The following LRRC53 variants were observed in gnomAD, a reference collection of about 807,000 sequenced individuals.
LRRC53 encodes leucine-rich repeat-containing protein 53.
A neutral mutation model predicts 13.6 loss-of-function variants in LRRC53; 25 were observed. The ratio of observed to expected loss-of-function variants is 1.83; its 90% CI spans 1.34 to 2.56. The LOEUF (loss-of-function observed/expected upper bound fraction) is 2.56, where lower values mean the gene tolerates loss of function less well. Ranked by LOEUF, LRRC53 falls within the 30% of genes most tolerant of loss-of-function variation. The probability of loss-of-function intolerance (pLI) is 0.00; values close to 1 mark genes in which losing one functional copy is unlikely to be tolerated. For synonymous variants in LRRC53, 204 were observed against 109.8 expected (o/e 1.86, Z -5.37); for missense variants, 527 against 275.8 (o/e 1.91, Z -6.45).
At chr1:74,525,282 C>T in the LRRC53 span, among the ~76,000 whole-genome samples, 2 of 152,232 alleles carry the variant, frequency 1.3e-5, no homozygotes, top group Non-Finnish European at 2.9e-5. Context: ...AAGCGCTTTG[C>T]GTGTATACCA....
chr1:74,484,521 G>A (rs565197764), intron 1 of LRRC53, among the ~76,000 whole-genome samples: 19 of 152,244 alleles, frequency 1.2e-4, no homozygotes, highest in Admixed American at 1.0e-3. Context: ...AACAAGAAAA[G>A]GAGAAGATCG....
chr1:74,475,610 T>C lies in LRRC53; in HGVS notation c.1105A>G (p.Thr369Ala), dbSNP rs776836708. 4 of 717,162 alleles carry C rather than the reference T, an allele frequency of 5.6e-6. No homozygotes were observed. The highest frequency in any genetic ancestry group is 4.0e-5 in the Admixed American group (2 of 49,976). The allele number at this position is 717,162 out of a possible 1,614,324, so 44.4% of individuals were successfully genotyped here. Residue 369 changes from threonine (T) to alanine (A), a missense_variant, in exon 4 of 5, where the codon ACT (threonine) becomes GCT (alanine). Coordinates refer to ENST00000294635, the MANE Select transcript of LRRC53 (RefSeq NM_001382280.1). Reference sequence around the variant, plus strand: ...GGCATTTCTTTTCTGGACCCCACAGTGGACATGACCTTTATCTCGTTTTCC... The same window carrying C: ...GGCATTTCTTTTCTGGACCCCACAGCGGACATGACCTTTATCTCGTTTTCC... ...TQENEIKVMS[T>A]VGSRKEMPLL...
intron 1 of LRRC53, 50 bp downstream of exon 1, chr1:74,512,476 A>G (rs79298958): frequency 6.6e-6 from 1 of 152,360 alleles, no homozygotes; most frequent in Non-Finnish European, 1.5e-5. Flanking sequence ...ATAAAGGTGT[A>G]AAAATCCAGC....
At chr1:74,525,656 G>T in the LRRC53 span, among the ~76,000 whole-genome samples, 1 of 152,164 alleles carries the variant, frequency 6.6e-6, no homozygotes, top group African/African-American at 2.4e-5. Flanking sequence ...CTTCTGGTGT[G>T]CCACATATCA....
At chr1:74,489,609 T>G (rs1041725479) in intron 1 of LRRC53, among the ~76,000 whole-genome samples, 1 of 152,238 alleles carries the variant, frequency 6.6e-6, no homozygotes, top group Non-Finnish European at 1.5e-5. Flanking sequence ...TGTAAGCCAT[T>G]GTTCATTTAC....
chr1:74,534,510 T>C, the LRRC53 span, among the ~76,000 whole-genome samples: 870 of 152,254 alleles, frequency 5.7e-3, 3 homozygotes, highest in Non-Finnish European at 6.8e-3. Context: ...ACACTGTCTG[T>C]TTTTAAGGCT....
At position 74,480,149 on chromosome 1, in the gene LRRC53, A is replaced by C. The variant is rs1206032319; in HGVS notation, c.904+4T>G. The stretch of plus-strand genomic sequence containing the variant: ...AGAGGAGGGCACACTTCTCCCCGGC[A>C]TACCTGCGAAGCCAAGGACAGTCAG... On this transcript the variant is annotated splice_donor_region_variant and intron_variant, in intron 3 of 4. Coordinates refer to ENST00000294635, the MANE Select transcript of LRRC53 (RefSeq NM_001382280.1). The C allele has an allele frequency of 1.4e-6, 1 of 713,938 alleles. No individual in the cohort carries two copies. The highest frequency in any genetic ancestry group is 1.5e-5 in the South Asian group (1 of 67,270). The allele number at this position is 713,938 out of a possible 1,614,324, so 44.2% of individuals were successfully genotyped here. A position where few individuals can be genotyped will look rare whatever the true frequency, so the allele number is the denominator to read the frequency against.
rs373266105 is a variant in LRRC53 at position 74,496,926 on chromosome 1, T to C, written c.-26-13551A>G. On this transcript the variant is annotated intron_variant, in intron 1 of 4. Coordinates refer to ENST00000294635, the MANE Select transcript of LRRC53 (RefSeq NM_001382280.1). ...ATGTGAAAACCAATTAGTGTTTATG[T>C]GGGGCTGGGCTCTAAGAATAGAATG... 2.6e-5 allele frequency among the ~76,000 whole-genome samples: 4 copies of C among 152,280 alleles called. No individual in the cohort carries two copies. In the East Asian group the frequency reaches 7.7e-4, roughly 29 times the overall value.
At chr1:74,489,080 T>A (rs1418251260) in intron 1 of LRRC53, 1 of 849,588 alleles carries the variant, frequency 1.2e-6, no homozygotes, top group Non-Finnish European at 1.8e-6. Context: ...AAAAATATAC[T>A]TTATTGTTAA....
chr1:74,508,722 A>G (rs1322291058), intron 1 of LRRC53, among the ~76,000 whole-genome samples: 3 of 152,198 alleles, frequency 2.0e-5, no homozygotes, highest in Non-Finnish European at 4.4e-5. Flanking sequence ...GAGGCTCAGG[A>G]GGAAGGGTGC....
rs190416184 is a variant in LRRC53, at chr1:74,471,147, G to A, written c.2475C>T (p.Ser825=). ...RVVNQSSIES[S]CYSAGHIPDG... ...CAGGAATGTGGCCAGCTGAGTAACA[G>A]CTGCTTTCTATAGAGCTCTGGTTGA... The change falls in exon 5 of 5, where the codon AGC becomes AGT. Residue 825 remains serine, a synonymous_variant. Coordinates refer to ENST00000294635, the MANE Select transcript of LRRC53 (RefSeq NM_001382280.1). 25 of 400,692 alleles carry A rather than the reference G, an allele frequency of 6.2e-5. 1 individual carries two copies. In the Admixed American group the frequency reaches 1.1e-3, roughly 18 times the overall value. 24.8% of individuals were successfully genotyped at this position (400,692 alleles called of 1,614,324 possible). A position where few individuals can be genotyped will look rare whatever the true frequency, so the allele number is the denominator to read the frequency against.
intron 1 of LRRC53, among the ~76,000 whole-genome samples, chr1:74,509,691 G>A (rs1430789409): frequency 7.1e-6 from 1 of 139,996 alleles, no homozygotes; most frequent in African/African-American, 2.6e-5. Flanking sequence ...AGAGTGTTGT[G>A]TTTGATTTTG....
chr1:74,490,591 GAC>G (rs1392654594), intron 1 of LRRC53, among the ~76,000 whole-genome samples: 1 of 152,174 alleles, frequency 6.6e-6, no homozygotes, highest in Non-Finnish European at 1.5e-5. Flanking sequence ...GCTATATGCT[GAC>G]AGAGTTTGCT....
In LRRC53 at chr1:74,493,852, T is replaced by C. The variant is rs543835427; in HGVS notation, c.-26-10477A>G. On this transcript the variant is annotated intron_variant, in intron 1 of 4. Transcript: ENST00000294635. ...AGTTGTATCCTCTGACAACATTCCA[T>C]TGGCAAGTTTCACAGCTGACTTCAA... is the stretch of plus-strand genomic sequence containing the variant. Among the ~76,000 whole-genome samples, 7 of 152,322 alleles carry C rather than the reference T, an allele frequency of 4.6e-5. No homozygotes were observed. The South Asian group carries it at 6.2e-4, about 14-fold the overall frequency.
At chr1:74,484,667 A>G (rs550512681) in intron 1 of LRRC53, among the ~76,000 whole-genome samples, 4 of 152,268 alleles carry the variant, frequency 2.6e-5, no homozygotes, top group Non-Finnish European at 5.9e-5. Context: ...TCTCAAGGGC[A>G]TGAGGAGGTT....
Position 74,505,971 on chromosome 1 carries a change from A to C in LRRC53, c.-27+6555T>G, listed in dbSNP as rs77598724. On this transcript the variant is annotated intron_variant, in intron 1 of 4. Transcript: ENST00000294635. ...CACCCTGACTTCTCTTTCAAAGAGA[A>C]AGTAAAAAAATGAAATCACTTTTTG... 5.6e-3 allele frequency among the ~76,000 whole-genome samples: 855 copies of C among 152,322 alleles called. 11 individuals carry two copies. The highest frequency in any genetic ancestry group is 0.019 in the African/African-American group (793 of 41,564).
chr1:74,533,845 A>G, the LRRC53 span, among the ~76,000 whole-genome samples: 1 of 152,216 alleles, frequency 6.6e-6, no homozygotes, highest in Non-Finnish European at 1.5e-5. Context: ...TCTCACTCAT[A>G]GGTGGGAATT....
the LRRC53 span, among the ~76,000 whole-genome samples, chr1:74,527,799 T>C: frequency 1.6e-4 from 24 of 152,324 alleles, no homozygotes; most frequent in South Asian, 5.0e-3. Flanking sequence ...CCAAAACCAT[T>C]GGACAGGGCT....
chr1:74,470,316 T>G lies in LRRC53; in HGVS notation c.3306A>C (p.Gln1102His). The change falls in exon 5 of 5, where the codon CAA (glutamine) becomes CAC (histidine). Residue 1102 changes from glutamine (Q) to histidine (H), a missense_variant. Gln to His is a conservative substitution (Grantham distance 24). Coordinates refer to ENST00000294635, the MANE Select transcript of LRRC53 (RefSeq NM_001382280.1). ...TDSSMLTQISQMTLKGITKER... is the reference protein window; with the variant it reads ...TDSSMLTQISHMTLKGITKER... ...CTTTTGTGATGCCTTTTAAGGTCAT[T>G]TGTGAGATCTGAGTTAACATACTAG... 1 of 400,724 alleles carries G rather than the reference T, an allele frequency of 2.5e-6. No individual in the cohort carries two copies. Among genetic ancestry groups the G allele is most frequent in the Non-Finnish European group, 4.4e-6 (1 of 226,180 alleles). The allele number at this position is 400,724 out of a possible 1,614,324, so 24.8% of individuals were successfully genotyped here. A position where few individuals can be genotyped will look rare whatever the true frequency, so the allele number is the denominator to read the frequency against.
Sources: allele counts gnomAD v4.1 joint callset (sites outside exome capture counted in the v4.1 genomes callset), GRCh38; gene constraint gnomAD v4.1.1; transcripts MANE v1.5; gene names NCBI Gene and HGNC (gene_info 2026-07-23, HGNC 2026-07-21).